The following LMNTD1 variants were observed in gnomAD, a reference collection of about 807,000 sequenced individuals.
LMNTD1 encodes lamin tail domain containing 1.
Under a neutral mutation model 50.9 loss-of-function variants are expected in LMNTD1, and 35 were observed. The ratio of observed to expected loss-of-function variants is 0.69; its 90% confidence interval spans 0.53 to 0.91. The LOEUF (loss-of-function observed/expected upper bound fraction) is 0.91, where lower values mean the gene tolerates loss of function less well. Among genes scored for constraint, LMNTD1 ranks in the 40% least tolerant of loss-of-function variants. The pLI is 0.00. For synonymous variants in LMNTD1, 153 were observed against 161.9 expected (o/e 0.94, Z 0.42); for missense variants, 470 against 475.5 (o/e 0.99, Z 0.11).
intron 2 of LMNTD1, among the ~76,000 whole-genome samples, chr12:25,552,627 A>AGGTCT (rs1242185824): frequency 1.3e-4 from 19 of 148,164 alleles, no homozygotes; most frequent in African/African-American, 4.5e-4. Context: ...AATCTCAGCT[A>AGGTCT]GGTCTTATAC....
chr12:25,502,336 G>A (rs771058632), intron 9 of LMNTD1, among the ~76,000 whole-genome samples: 1 of 152,002 alleles, frequency 6.6e-6, no homozygotes, highest in Non-Finnish European at 1.5e-5. Flanking sequence ...AATTATGGAA[G>A]TGCTGTTGCT....
intron 9 of LMNTD1, among the ~76,000 whole-genome samples, chr12:25,485,578 C>T (rs61924632): frequency 1.5e-4 from 20 of 137,346 alleles, no homozygotes; most frequent in Admixed American, 3.8e-4. Flanking sequence ...GAAGTCCTTT[C>T]CCATGCCTAT....
At chr12:25,579,746 C>A (rs1298957386) in intron 1 of LMNTD1, among the ~76,000 whole-genome samples, 2 of 152,072 alleles carry the variant, frequency 1.3e-5, no homozygotes, top group African/African-American at 4.8e-5. Flanking sequence ...TTCCTCCTTT[C>A]CCTCTCTCAG....
At chr12:25,558,773 A>G (rs1444895067) in intron 1 of LMNTD1, among the ~76,000 whole-genome samples, 7 of 152,200 alleles carry the variant, frequency 4.6e-5, no homozygotes, top group Non-Finnish European at 8.8e-5. Flanking sequence ...ATCAGATGTC[A>G]TAAGACTTAG....
intron 1 of LMNTD1, among the ~76,000 whole-genome samples, chr12:25,598,897 C>T (rs1463937271): frequency 1.3e-5 from 2 of 151,958 alleles, no homozygotes; most frequent in Non-Finnish European, 2.9e-5. Context: ...AACACAATGG[C>T]TTCATTGACG....
At chr12:25,564,191 C>T (rs1235993276) in intron 1 of LMNTD1, among the ~76,000 whole-genome samples, 2 of 152,176 alleles carry the variant, frequency 1.3e-5, no homozygotes, top group African/African-American at 4.8e-5. Flanking sequence ...GCTGGAAATG[C>T]AGAAATCACC....
chr12:25,605,971 A>G (rs1278657855), intron 1 of LMNTD1, among the ~76,000 whole-genome samples: 1 of 152,124 alleles, frequency 6.6e-6, no homozygotes, highest in African/African-American at 2.4e-5. Context: ...ATGAGCATGG[A>G]ATGTTCTTCC....
chr12:25,497,193 A>C (rs1317965263), intron 9 of LMNTD1, among the ~76,000 whole-genome samples: 1 of 152,078 alleles, frequency 6.6e-6, no homozygotes, highest in Non-Finnish European at 1.5e-5. Flanking sequence ...GCCAGGTGGG[A>C]GGGGTTCCCT....
chr12:25,582,218 T>C (rs1945318795), intron 1 of LMNTD1, among the ~76,000 whole-genome samples: 1 of 152,210 alleles, frequency 6.6e-6, no homozygotes. Context: ...TTCCCTTCAC[T>C]TCCAAGTACT....
chr12:25,613,415 G>C (rs1408497824), intron 1 of LMNTD1, among the ~76,000 whole-genome samples: 1 of 152,166 alleles, frequency 6.6e-6, no homozygotes, highest in Non-Finnish European at 1.5e-5. Context: ...TTGGTTTCCT[G>C]AGGTTAAAAC....
intron 8 of LMNTD1, among the ~76,000 whole-genome samples, chr12:25,511,883 A>T (rs778535107): frequency 6.6e-6 from 1 of 152,098 alleles, no homozygotes; most frequent in Non-Finnish European, 1.5e-5. Context: ...TGCTTTTAAT[A>T]TGTACTGTTT....
chr12:25,587,057 A>G (rs1187046544), intron 1 of LMNTD1, among the ~76,000 whole-genome samples: 3 of 152,244 alleles, frequency 2.0e-5, no homozygotes, highest in Admixed American at 1.3e-4. Context: ...TCTCAGCTGG[A>G]AAGTTTCTAT....
intron 4 of LMNTD1, among the ~76,000 whole-genome samples, chr12:25,533,166 T>C (rs1942339769): frequency 6.6e-6 from 1 of 152,224 alleles, no homozygotes; most frequent in Non-Finnish European, 1.5e-5. Flanking sequence ...CTTTTTGATA[T>C]AAGATCAATG....
intron 9 of LMNTD1, among the ~76,000 whole-genome samples, chr12:25,496,616 T>C (rs961701301): frequency 2.6e-5 from 4 of 152,188 alleles, no homozygotes; most frequent in African/African-American, 9.6e-5. Flanking sequence ...CCAGAAAGTA[T>C]ACGTAAAGTT....
rs61347000 is a variant in LMNTD1 at position 25,527,640 on chromosome 12, C to CTA, written c.492-687_492-686dup. On this transcript the variant is annotated intron_variant, in intron 4 of 9. Transcript: ENST00000458174. ...CTTATATGCCAGGCACTTAATAACACTATATATATATATATATATATATAT... is the reference window on the plus strand; with the variant it reads ...CTTATATGCCAGGCACTTAATAACACTATATATATATATATATATATATATAT... Among the ~76,000 whole-genome samples the CTA allele has an allele frequency of 6.5e-3, 396 of 61,052 alleles. 5 individuals carry two copies. Among genetic ancestry groups the CTA allele is most frequent in the African/African-American group, 0.014 (213 of 15,768 alleles). The allele number at this position is 61,052 out of a possible 152,430, so 40.1% of individuals were successfully genotyped here.
At chr12:25,599,412 A>G (rs985462327) in intron 1 of LMNTD1, among the ~76,000 whole-genome samples, 3 of 151,912 alleles carry the variant, frequency 2.0e-5, no homozygotes, top group African/African-American at 4.8e-5. Flanking sequence ...CAAGCATTTC[A>G]CCACTGTTAT....
chr12:25,527,736 A>G (rs1186414802), intron 4 of LMNTD1, among the ~76,000 whole-genome samples: 1 of 143,276 alleles, frequency 7.0e-6, no homozygotes, highest in Non-Finnish European at 1.5e-5. Flanking sequence ...ACACATATAT[A>G]TACATATATA....
chr12:25,494,264 T>G lies in LMNTD1; in HGVS notation c.*22+9474A>C, dbSNP rs192534656. ...CAATCTGTTGATATTAAGGTAAAAT[T>G]TGGTCACTTCGTAATCATATTGACT... On this transcript the variant is annotated intron_variant, in intron 9 of 9. Coordinates refer to ENST00000458174, the MANE Select transcript of LMNTD1 (RefSeq NM_001145728.2). Among the ~76,000 whole-genome samples the G allele has an allele frequency of 2.4e-3, 365 of 152,324 alleles. 5 individuals are homozygous for G. The highest frequency in any genetic ancestry group is 3.7e-3 in the Non-Finnish European group (251 of 68,016).
chr12:25,624,017 T>A (rs950352271), intron 1 of LMNTD1, among the ~76,000 whole-genome samples: 1 of 152,206 alleles, frequency 6.6e-6, no homozygotes, highest in East Asian at 1.9e-4. Context: ...ACATAGGTAT[T>A]AATCATACTT....
Sources: allele counts gnomAD v4.1 joint callset (sites outside exome capture counted in the v4.1 genomes callset), GRCh38; gene constraint gnomAD v4.1.1; transcripts MANE v1.5; gene names NCBI Gene and HGNC (gene_info 2026-07-23, HGNC 2026-07-21).